RAP1GAP2: variants seen among roughly 807,000 people sequenced by gnomAD.
The protein encoded by RAP1GAP2 is RAP1 GTPase activating protein 2.
RAP1GAP2 carries 27 observed loss-of-function variants against 95.0 expected under a neutral mutation model. The observed-to-expected ratio is 0.28, with a 90% confidence interval of 0.21 to 0.39. RAP1GAP2 has a LOEUF of 0.39. RAP1GAP2 is among the 10% of genes least tolerant of loss of function. The pLI is 1.00. For synonymous variants in RAP1GAP2, 373 were observed against 380.9 expected (o/e 0.98, Z 0.24); for missense variants, 771 against 970.0 (o/e 0.79, Z 2.72).
intron 8 of RAP1GAP2, among the ~76,000 whole-genome samples, chr17:2,976,711 A>G (rs1008526327): frequency 2.6e-5 from 4 of 152,196 alleles, no homozygotes; most frequent in African/African-American, 7.2e-5. Context: ...CTAGTGAAAT[A>G]GGAAGCAAAA....
intron 3 of RAP1GAP2, among the ~76,000 whole-genome samples, chr17:2,948,073 C>T (rs753971866): frequency 3.9e-5 from 6 of 152,130 alleles, no homozygotes; most frequent in South Asian, 2.1e-4. Flanking sequence ...AATAACGAGG[C>T]GATTGCAAGG....
intron 2 of RAP1GAP2, among the ~76,000 whole-genome samples, chr17:2,888,083 TG>T (rs2073565241): frequency 6.6e-6 from 1 of 152,126 alleles, no homozygotes; most frequent in Non-Finnish European, 1.5e-5. Context: ...GGTGGGGAAG[TG>T]GTTAACTCTG....
At chr17:3,025,985 A>G (rs759556532) in intron 19 of RAP1GAP2, 23 bp from the exon 20 acceptor site, 4 of 1,566,704 alleles carry the variant, frequency 2.6e-6, no homozygotes, top group Non-Finnish European at 2.6e-6. Context: ...CCGCGGCCTC[A>G]CTCCTCATTT....
intron 16 of RAP1GAP2, 136 bp downstream of exon 16, chr17:3,006,177 A>AGTG: frequency 1.4e-6 from 1 of 712,278 alleles, no homozygotes; most frequent in South Asian, 1.9e-5. Context: ...CCCAGGCTGG[A>AGTG]GTGCAGTGGC....
At position 3,032,551 on chromosome 17, in the gene RAP1GAP2, G is replaced by A. The variant is rs1267064915; in HGVS notation, c.*30+102G>A. Reference sequence around the variant, plus strand: ...GTAACCTCAGAATGGCCGGAGAGATGCCGCCAGCTGGGGATGTCCAAAGAG... The same window carrying A: ...GTAACCTCAGAATGGCCGGAGAGATACCGCCAGCTGGGGATGTCCAAAGAG... On this transcript the variant is annotated intron_variant, in intron 24 of 24. Transcript: ENST00000254695. 3.5e-6 allele frequency: 4 copies of A among 1,152,824 alleles called. No homozygotes were observed. The African/African-American group carries it at 6.1e-5, about 18-fold the overall frequency. The allele number at this position is 1,152,824 out of a possible 1,614,324, so 71.4% of individuals were successfully genotyped here.
rs958138279 is a variant in RAP1GAP2 at position 2,810,579 on chromosome 17, A to G, written c.80+10029A>G. Among the ~76,000 whole-genome samples the G allele has an allele frequency of 1.0e-4, 12 of 117,150 alleles. No individual in the cohort carries two copies. The East Asian group carries it at 1.1e-3, about 11-fold the overall frequency. The allele number at this position is 117,150 out of a possible 152,430, so 76.9% of individuals were successfully genotyped here. On this transcript the variant is annotated intron_variant, in intron 2 of 24. Coordinates refer to ENST00000254695, the MANE Select transcript of RAP1GAP2 (RefSeq NM_015085.5). Reference sequence around the variant, plus strand: ...GGAGTCTCGCTCTGTCACCCAGGCTAGAGTGCAATGGTACGATCTTGGCTC... The same window carrying G: ...GGAGTCTCGCTCTGTCACCCAGGCTGGAGTGCAATGGTACGATCTTGGCTC...
chr17:2,812,469 C>T (rs1295249711), intron 2 of RAP1GAP2, among the ~76,000 whole-genome samples: 1 of 152,178 alleles, frequency 6.6e-6, no homozygotes, highest in Non-Finnish European at 1.5e-5. Context: ...CTGGCTCCAG[C>T]TCTGCCTTCC....
intron 4 of RAP1GAP2, among the ~76,000 whole-genome samples, chr17:2,960,123 C>CAAAAAAAAAAAAAAAAAA (rs71153316): frequency 1.2e-5 from 1 of 81,010 alleles, no homozygotes; most frequent in Non-Finnish European, 2.4e-5. Context: ...GACTCCATCT[C>CAAAAAAAAAAAAAAAAAA]AAAAAAAAAA....
chr17:3,015,641 C>T (rs1420517025), intron 17 of RAP1GAP2, among the ~76,000 whole-genome samples: 1 of 151,928 alleles, frequency 6.6e-6, no homozygotes, highest in African/African-American at 2.4e-5. Context: ...ACACAGTGAA[C>T]CGCCATCTCT....
In RAP1GAP2 at chr17:2,922,826, G is replaced by GTTTTTTTT. The variant is rs138075669; in HGVS notation, c.165+17463_165+17464insTTTTTTTT. On this transcript the variant is annotated intron_variant, in intron 3 of 24. Transcript: ENST00000254695. ...AAAAAGTGCCCAGTATTTTCTTTTT[G>GTTTTTTTT]TTTTTGTTTTTTTTTTTTTTTTTGA... Among the ~76,000 whole-genome samples the GTTTTTTTT allele has an allele frequency of 3.2e-5, 3 of 93,728 alleles. 1 individual carries two copies. Among genetic ancestry groups the GTTTTTTTT allele is most frequent in the Non-Finnish European group, 1.9e-5 (1 of 52,336 alleles). 61.5% of individuals were successfully genotyped at this position (93,728 alleles called of 152,430 possible). A position where few individuals can be genotyped will look rare whatever the true frequency, so the allele number is the denominator to read the frequency against.
intron 2 of RAP1GAP2, among the ~76,000 whole-genome samples, chr17:2,837,693 G>A (rs1447824084): frequency 6.7e-6 from 1 of 148,156 alleles, no homozygotes; most frequent in Non-Finnish European, 1.5e-5. Context: ...TGCAAGCTCT[G>A]CCTCCCGGGT....
At chr17:2,947,511 T>C (rs536732355) in intron 3 of RAP1GAP2, among the ~76,000 whole-genome samples, 1 of 152,318 alleles carries the variant, frequency 6.6e-6, no homozygotes, top group South Asian at 2.1e-4. Flanking sequence ...GCATCTTGCT[T>C]AGCAGAATAT....
intron 1 of RAP1GAP2, among the ~76,000 whole-genome samples, chr17:2,789,777 A>G (rs1032105817): frequency 5.0e-5 from 4 of 80,058 alleles, no homozygotes; most frequent in African/African-American, 1.8e-4. Flanking sequence ...GTGAGACTCC[A>G]TCTGAAAAAA....
At position 3,029,532 on chromosome 17, in the gene RAP1GAP2, GACGT is replaced by G. The variant is rs1324788849; in HGVS notation, c.2108-1387_2108-1384del. 6.6e-6 allele frequency among the ~76,000 whole-genome samples: 1 copy of G among 152,148 alleles called. No homozygotes were observed. Among genetic ancestry groups the G allele is most frequent in the African/African-American group, 2.4e-5 (1 of 41,424 alleles). ...GTGGGGAGAGGTGGCCTGACGTCCT[GACGT>G]ACAGTCTCCATAATGTCAGATATCT... On this transcript the variant is annotated intron_variant, in intron 22 of 24. Coordinates refer to ENST00000254695, the MANE Select transcript of RAP1GAP2 (RefSeq NM_015085.5). This position sits in a 1 kb window ranked among gnomAD's most constrained non-coding sequence, Gnocchi z 4.4.
At chr17:2,853,933 C>G in intron 2 of RAP1GAP2, 1 of 981,098 alleles carries the variant, frequency 1.0e-6, no homozygotes, top group Non-Finnish European at 1.2e-6. Context: ...GGGTGCGGAG[C>G]GCGCGGAGCC....
At chr17:2,766,280 A>G (rs986331161) in intron 1 of RAP1GAP2, among the ~76,000 whole-genome samples, 1 of 152,152 alleles carries the variant, frequency 6.6e-6, no homozygotes, top group Non-Finnish European at 1.5e-5. Flanking sequence ...CATAGGTTGA[A>G]ATCCTAGCCC....
chr17:3,012,338 C>T (rs575482346), intron 17 of RAP1GAP2, among the ~76,000 whole-genome samples: 1 of 152,032 alleles, frequency 6.6e-6, no homozygotes, highest in Non-Finnish European at 1.5e-5. Flanking sequence ...GAACGTTTGG[C>T]TGGGCGCGGT....
chr17:2,974,224 C>G (rs1448803003), intron 8 of RAP1GAP2, among the ~76,000 whole-genome samples: 1 of 151,414 alleles, frequency 6.6e-6, no homozygotes, highest in Non-Finnish European at 1.5e-5. Flanking sequence ...TGGCAGGCGC[C>G]TGTAGTCCCA....
chr17:2,838,307 G>A lies in RAP1GAP2; in HGVS notation c.80+37757G>A, dbSNP rs1388112287. 4.6e-5 allele frequency among the ~76,000 whole-genome samples: 7 copies of A among 151,908 alleles called. No individual in the cohort carries two copies. In the South Asian group the frequency reaches 1.0e-3, roughly 23 times the overall value. The stretch of plus-strand genomic sequence containing the variant: ...TGCTGGGATTACAGGTGTGAGCCAC[G>A]GCGCCCGGCCTTGTGTTCCTTCTTG... On this transcript the variant is annotated intron_variant, in intron 2 of 24. Transcript: ENST00000254695.
Sources: allele counts gnomAD v4.1 joint callset (sites outside exome capture counted in the v4.1 genomes callset), GRCh38; gene constraint gnomAD v4.1.1; non-coding constraint Gnocchi (gnomAD v3.1); transcripts MANE v1.5; gene names NCBI Gene and HGNC (gene_info 2026-07-23, HGNC 2026-07-21).